APOL5: variants seen among roughly 807,000 people sequenced by gnomAD.
The protein encoded by APOL5 is apolipoprotein L, 5.
In APOL5, 29 loss-of-function variants were observed where a neutral mutation model predicts 35.5. The observed-to-expected ratio is 0.82, with a 90% CI of 0.61 to 1.11. The LOEUF (loss-of-function observed/expected upper bound fraction) is 1.11, where lower values mean the gene tolerates loss of function less well. Among genes scored for constraint, APOL5 ranks in the 50% most tolerant of loss-of-function variants. APOL5 has a pLI of 0.00. For synonymous variants in APOL5, 188 were observed against 200.2 expected (o/e 0.94, Z 0.51); for missense variants, 514 against 530.4 (o/e 0.97, Z 0.30).
the APOL5 span, among the ~76,000 whole-genome samples, chr22:35,710,746 G>T: frequency 1.3e-5 from 2 of 152,044 alleles, no homozygotes. Context: ...CTGCTCCCTA[G>T]CTTCATGAAT....
the APOL5 span, among the ~76,000 whole-genome samples, chr22:35,711,614 C>T: frequency 1.4e-5 from 2 of 142,356 alleles, no homozygotes; most frequent in South Asian, 4.8e-4. Context: ...TTCCTTCCTT[C>T]CTTCCTTCCT....
the APOL5 span, among the ~76,000 whole-genome samples, chr22:35,709,027 A>G: frequency 2.2e-4 from 33 of 152,252 alleles, no homozygotes; most frequent in Admixed American, 1.2e-3. Context: ...TGAGTGGTAC[A>G]TGAGAAAATG....
chr22:35,717,235 A>AAAAAATATATATATATAT, upstream of APOL5, among the ~76,000 whole-genome samples: 1 of 57,662 alleles, frequency 1.7e-5, no homozygotes, highest in African/African-American at 8.0e-5. Flanking sequence ...AAAAAAAAAA[A>AAAAAATATATATATATAT]ATATATATAT....
chr22:35,726,859 C>T lies in APOL5; in HGVS notation c.791C>T (p.Ala264Val), dbSNP rs770777958. The T allele has an allele frequency of 1.9e-6, 3 of 1,614,194 alleles. No homozygotes were observed. Among genetic ancestry groups the T allele is most frequent in the Non-Finnish European group, 2.5e-6 (3 of 1,180,040 alleles). The change falls in exon 3 of 5, where the codon GCC becomes GTC. Residue 264 changes from alanine to valine, a missense_variant. This residue lies in a region of APOL5 where 238 missense variants were observed against 229.1 expected (regional missense o/e 1.04). Coordinates refer to ENST00000249044, the MANE Select transcript of APOL5 (RefSeq NM_030642.1). Reference sequence around the variant, plus strand: ...ATGGCTATGGTCAAGAATTTTGTGGCCAAGAGACACATCCCTTTCTGGACG... The same window carrying T: ...ATGGCTATGGTCAAGAATTTTGTGGTCAAGAGACACATCCCTTTCTGGACG... ...GFMAMVKNFV[A>V]KRHIPFWTAR... is the part of the protein sequence containing the mutation.
upstream of APOL5, chr22:35,717,746 AAAAAAAAG>A (rs1926804374): frequency 1.2e-5 from 4 of 344,574 alleles, no homozygotes; most frequent in South Asian, 1.0e-4. Flanking sequence ...CGCAAAAAAA[AAAAAAAAG>A]AAAGAAAAGA....
At chr22:35,722,613 C>CCTAA (rs1334445797) in intron 2 of APOL5, among the ~76,000 whole-genome samples, 4 of 152,048 alleles carry the variant, frequency 2.6e-5, no homozygotes, top group Non-Finnish European at 5.9e-5. Context: ...AGGTTCTTAC[C>CCTAA]CTAACTCCAC....
chr22:35,714,950 C>G (rs749919708), upstream of APOL5, among the ~76,000 whole-genome samples: 1 of 152,208 alleles, frequency 6.6e-6, no homozygotes, highest in Non-Finnish European at 1.5e-5. Flanking sequence ...AGTTCTTTCT[C>G]GCTCTCAGTG....
chr22:35,728,967 T>G, intron 4 of APOL5, 63 bp downstream of exon 4: 13 of 1,442,604 alleles, frequency 9.0e-6, no homozygotes, highest in East Asian at 2.6e-5. Context: ...AACCCCTCCT[T>G]GGGTGGGTGG....
chr22:35,725,243 G>A (rs183016320), intron 2 of APOL5, among the ~76,000 whole-genome samples: 2 of 152,142 alleles, frequency 1.3e-5, no homozygotes, highest in East Asian at 3.9e-4. Context: ...CCAAAAATTC[G>A]AGGACTGGGT....
chr22:35,710,180 T>G, the APOL5 span, among the ~76,000 whole-genome samples: 1 of 144,438 alleles, frequency 6.9e-6, no homozygotes, highest in South Asian at 2.2e-4. Flanking sequence ...TGGAGTGCAG[T>G]GCTGTGATTA....
At chr22:35,718,142 G>A (rs2145996051) in intron 1 of APOL5, among the ~76,000 whole-genome samples, 1 of 152,280 alleles carries the variant, frequency 6.6e-6, no homozygotes, top group Non-Finnish European at 1.5e-5. Flanking sequence ...CCTTTGTAAA[G>A]TTTAACTAAA....
upstream of APOL5, among the ~76,000 whole-genome samples, chr22:35,713,648 C>T (rs1046448691): frequency 4.6e-5 from 7 of 152,188 alleles, no homozygotes; most frequent in South Asian, 4.1e-4. Context: ...GCCTCTCTTC[C>T]GGCCTAGGAT....
upstream of APOL5, among the ~76,000 whole-genome samples, chr22:35,715,032 GA>G (rs1271134480): frequency 6.6e-6 from 1 of 152,208 alleles, no homozygotes. Flanking sequence ...GAAATATGAT[GA>G]TTCGTGAAAC....
At chr22:35,724,751 C>T (rs562950814) in intron 2 of APOL5, among the ~76,000 whole-genome samples, 1 of 152,190 alleles carries the variant, frequency 6.6e-6, no homozygotes, top group East Asian at 1.9e-4. Context: ...GCTGGGACTA[C>T]AGGCGCCCAC....
chr22:35,719,729 A>C (rs1303042337), intron 1 of APOL5, among the ~76,000 whole-genome samples: 1 of 89,944 alleles, frequency 1.1e-5, no homozygotes, highest in South Asian at 4.1e-4. Context: ...CAGCAGCCCC[A>C]TCTAGGGTTG....
rs905737509 is a variant in APOL5, at chr22:35,727,110, C to T, written c.1042C>T (p.Arg348Trp). 9.3e-6 allele frequency: 15 copies of T among 1,610,002 alleles called. No homozygotes were observed. The highest frequency in any genetic ancestry group is 2.2e-5 in the South Asian group (2 of 91,040). Residue 348 changes from arginine (R) to tryptophan (W), a missense_variant, in exon 3 of 5, where the codon CGG becomes TGG. By Grantham distance (101) the Arg-to-Trp change is moderately radical (BLOSUM62 -3). This residue lies in a region of APOL5 where 238 missense variants were observed against 229.1 expected (regional missense o/e 1.04). Transcript: ENST00000249044. ...QELDRLTQHH[R>W]HLPQKASQTC... ...GCTGGACCGGCTCACCCAGCACCACCGGCACCTGCCGCAGAAGGCGAGCCA... is the reference window on the plus strand; with the variant it reads ...GCTGGACCGGCTCACCCAGCACCACTGGCACCTGCCGCAGAAGGCGAGCCA...
chr22:35,713,351 G>T (rs1484840893), upstream of APOL5, among the ~76,000 whole-genome samples: 1 of 152,166 alleles, frequency 6.6e-6, no homozygotes, highest in South Asian at 2.1e-4. Flanking sequence ...GATGGAGATA[G>T]CGAGAGGCTT....
chr22:35,713,283 A>G (rs1014150619), upstream of APOL5, among the ~76,000 whole-genome samples: 9 of 152,200 alleles, frequency 5.9e-5, no homozygotes, highest in Non-Finnish European at 1.2e-4. Flanking sequence ...TGAGAATGTG[A>G]TCCATTCATG....
chr22:35,728,947 A>G lies in APOL5; in HGVS notation c.*6+43A>G, dbSNP rs1231375393. The G allele has an allele frequency of 2.9e-5, 44 of 1,528,974 alleles. No individual in the cohort carries two copies. In the East Asian group the frequency reaches 5.0e-4, roughly 17 times the overall value. 94.7% of individuals were successfully genotyped at this position (1,528,974 alleles called of 1,614,324 possible). A position where few individuals can be genotyped will look rare whatever the true frequency, so the allele number is the denominator to read the frequency against. Reference sequence around the variant, plus strand: ...AAGCCAGGAGCTGTGGGAACCCCTGACAGTGAAGTAACCCCTCCTTGGGTG... The same window carrying G: ...AAGCCAGGAGCTGTGGGAACCCCTGGCAGTGAAGTAACCCCTCCTTGGGTG... On this transcript the variant is annotated intron_variant, in intron 4 of 4. Transcript: ENST00000249044.
Sources: allele counts gnomAD v4.1 joint callset (sites outside exome capture counted in the v4.1 genomes callset), GRCh38; gene constraint gnomAD v4.1.1; regional missense constraint gnomAD v4.1.1; transcripts MANE v1.5; gene names NCBI Gene and HGNC (gene_info 2026-07-23, HGNC 2026-07-21).